Variants in PLEKHM3 observed in about 807,000 individuals in gnomAD.
The protein encoded by PLEKHM3 is pleckstrin homology domain-containing family M member 3.
PLEKHM3 carries 45 observed loss-of-function variants against 81.8 expected under a neutral mutation model. The ratio of observed to expected loss-of-function variants is 0.55; its 90% CI spans 0.43 to 0.71. The LOEUF is 0.71. Ranked by LOEUF, PLEKHM3 falls within the 30% of genes least tolerant of loss-of-function variation. The pLI is 0.00. For missense variants in PLEKHM3, 788 were observed against 924.3 expected (o/e 0.85, Z 1.91); for synonymous variants, 352 against 356.4 (o/e 0.99, Z 0.14).
chr2:207,921,883 C>T (rs193097093), intron 5 of PLEKHM3, among the ~76,000 whole-genome samples: 171 of 152,270 alleles, frequency 1.1e-3, no homozygotes, highest in African/African-American at 3.9e-3. Context: ...TGTATATTTA[C>T]CACATTTTCT....
Position 207,976,714 on chromosome 2 carries a change from G to C in PLEKHM3, c.1483C>G (p.Leu495Val), listed in dbSNP as rs759235932. ...AAAGACAAAGTCGTCAAAATGCTCA[G>C]GAAGCTGGTAGTCACAGATTGGCGT... Reference protein sequence around the residue: ...NKRQSVTTSFLSILTTLSLER... With the variant: ...NKRQSVTTSFVSILTTLSLER... The change falls in exon 3 of 8, where the codon CTG becomes GTG. Residue 495 changes from leucine (L) to valine (V), a missense_variant. By Grantham distance (32) the Leu-to-Val change is conservative (BLOSUM62 1). Transcript: ENST00000427836. The surrounding 1 kb of genome is among the most constrained non-coding windows in gnomAD (Gnocchi z 4.1). 8.1e-6 allele frequency: 13 copies of C among 1,614,122 alleles called. No homozygotes were observed. Among genetic ancestry groups the C allele is most frequent in the Admixed American group, 1.7e-5 (1 of 60,004 alleles).
At chr2:207,944,015 C>G (rs1274448241) in intron 4 of PLEKHM3, among the ~76,000 whole-genome samples, 3 of 151,990 alleles carry the variant, frequency 2.0e-5, no homozygotes, top group Non-Finnish European at 4.4e-5. Flanking sequence ...AAAACTGGAG[C>G]TGCAGATAAA....
rs565102457 is a variant in PLEKHM3 at position 208,000,651 on chromosome 2, G to A, written c.610+379C>T. ...CTTCCTAGCATAGGCTCAGCCCAACGTACGATCTACTATAAGAACAGGCAG... is the reference window on the plus strand; with the variant it reads ...CTTCCTAGCATAGGCTCAGCCCAACATACGATCTACTATAAGAACAGGCAG... On this transcript the variant is annotated intron_variant, in intron 2 of 7. Transcript: ENST00000427836. 4.6e-5 allele frequency among the ~76,000 whole-genome samples: 7 copies of A among 152,220 alleles called. No homozygotes were observed. In the South Asian group the frequency reaches 8.3e-4, roughly 18 times the overall value.
At chr2:207,938,583 T>C (rs1049162731) in intron 4 of PLEKHM3, among the ~76,000 whole-genome samples, 1 of 152,226 alleles carries the variant, frequency 6.6e-6, no homozygotes, top group Non-Finnish European at 1.5e-5. Context: ...AATCCTGATA[T>C]CTGAGAAAAG....
At chr2:207,936,846 A>T (rs997146259) in intron 4 of PLEKHM3, among the ~76,000 whole-genome samples, 2 of 146,714 alleles carry the variant, frequency 1.4e-5, no homozygotes, top group South Asian at 2.2e-4. Flanking sequence ...TAGATAAATT[A>T]GTGTGTGTGT....
chr2:207,936,143 G>C (rs917454479), intron 4 of PLEKHM3, among the ~76,000 whole-genome samples: 5 of 152,116 alleles, frequency 3.3e-5, no homozygotes, highest in African/African-American at 1.2e-4. Flanking sequence ...CATGACACAA[G>C]GCCTGGTTAA....
intron 4 of PLEKHM3, among the ~76,000 whole-genome samples, chr2:207,942,990 T>C (rs1159049476): frequency 6.6e-6 from 1 of 152,210 alleles, no homozygotes; most frequent in East Asian, 1.9e-4. Context: ...AAAATTGATC[T>C]CATGGAGGTA....
intron 2 of PLEKHM3, among the ~76,000 whole-genome samples, chr2:207,988,172 C>T (rs968462378): frequency 6.6e-6 from 1 of 152,194 alleles, no homozygotes; most frequent in African/African-American, 2.4e-5. Flanking sequence ...GTCTCTTTCT[C>T]TGTGCACTGT....
intron 5 of PLEKHM3, among the ~76,000 whole-genome samples, chr2:207,928,234 G>C (rs1301209827): frequency 6.6e-6 from 1 of 152,164 alleles, no homozygotes; most frequent in African/African-American, 2.4e-5. Flanking sequence ...TTGGCTTGTA[G>C]GCAGACTGCT....
At position 207,846,735 on chromosome 2, in the gene PLEKHM3, A is replaced by T. The variant is rs559818279; in HGVS notation, c.2108+14370T>A. Among the ~76,000 whole-genome samples, 953 of 150,066 alleles carry T rather than the reference A, an allele frequency of 6.4e-3. 11 individuals carry two copies. The highest frequency in any genetic ancestry group is 0.022 in the African/African-American group (882 of 40,920). On this transcript the variant is annotated intron_variant, in intron 7 of 7. Transcript: ENST00000427836. Reference sequence around the variant, plus strand: ...CAGATCCTGTCTCAAAAAAAAAAAAATTTTTTTTTTCTTTAAAAGTACCCA... The same window carrying T: ...CAGATCCTGTCTCAAAAAAAAAAAATTTTTTTTTTTCTTTAAAAGTACCCA...
chr2:207,984,074 C>T (rs35276373), intron 2 of PLEKHM3, among the ~76,000 whole-genome samples: 2 of 152,288 alleles, frequency 1.3e-5, no homozygotes, highest in Admixed American at 6.5e-5. Flanking sequence ...TTCAAACACA[C>T]TTGAAAAGCA....
At chr2:207,829,402 G>A (rs1360269832) in intron 7 of PLEKHM3, among the ~76,000 whole-genome samples, 2 of 151,836 alleles carry the variant, frequency 1.3e-5, no homozygotes, top group Admixed American at 6.6e-5. Context: ...TCAGCCTCCC[G>A]AGTAGTTGGG....
At chr2:207,887,112 T>C (rs1687906402) in intron 6 of PLEKHM3, among the ~76,000 whole-genome samples, 1 of 152,218 alleles carries the variant, frequency 6.6e-6, no homozygotes, top group South Asian at 2.1e-4. Context: ...ATCCACACTT[T>C]GGGAAACACC....
intron 7 of PLEKHM3, among the ~76,000 whole-genome samples, chr2:207,831,396 C>G (rs1164842694): frequency 1.3e-5 from 2 of 152,182 alleles, no homozygotes; most frequent in Admixed American, 6.5e-5. Context: ...CCTGGCCATC[C>G]CAGCGAGAGC....
intron 5 of PLEKHM3, among the ~76,000 whole-genome samples, chr2:207,923,905 A>ATATATATATATTTTTT (rs1396762429): frequency 7.1e-5 from 2 of 28,334 alleles, no homozygotes; most frequent in Non-Finnish European, 1.3e-4. Flanking sequence ...ATATATATAT[A>ATATATATATATTTTTT]TTTTTTTTTT....
At chr2:207,902,183 G>A (rs1460097918) in intron 6 of PLEKHM3, among the ~76,000 whole-genome samples, 3 of 152,162 alleles carry the variant, frequency 2.0e-5, no homozygotes, top group Non-Finnish European at 4.4e-5. Flanking sequence ...GTGAATAAAG[G>A]TCATCACCTG....
At chr2:207,865,801 A>AAAAAAAAAAAAAAAAATATATATATATAT in intron 6 of PLEKHM3, among the ~76,000 whole-genome samples, 1 of 25,300 alleles carries the variant, frequency 4.0e-5, no homozygotes, top group Non-Finnish European at 7.6e-5. Context: ...AAAAAAAAAA[A>AAAAAAAAAAAAAAAAATATATATATATAT]AGATATATAT....
intron 3 of PLEKHM3, among the ~76,000 whole-genome samples, chr2:207,974,379 T>C (rs939877308): frequency 2.0e-5 from 3 of 152,334 alleles, no homozygotes; most frequent in South Asian, 4.1e-4. Flanking sequence ...GTGCAGAGCA[T>C]GGGCAGTGCA....
At chr2:207,893,835 G>C (rs1688138868) in intron 6 of PLEKHM3, among the ~76,000 whole-genome samples, 1 of 152,108 alleles carries the variant, frequency 6.6e-6, no homozygotes, top group South Asian at 2.1e-4. Flanking sequence ...AAAAAGCAAG[G>C]CCAGGTGCAG....
Sources: gnomAD v4.1 joint callset for allele counts (sites outside exome capture counted in the v4.1 genomes callset) on GRCh38, gnomAD v4.1.1 for gene constraint, Gnocchi (gnomAD v3.1) non-coding constraint, MANE v1.5 for transcripts, NCBI Gene and HGNC (gene_info 2026-07-23, HGNC 2026-07-21) for gene names.